The following MSRA variants were observed in gnomAD, a reference collection of about 807,000 sequenced individuals.
MSRA encodes mitochondrial peptide methionine sulfoxide reductase.
In MSRA, 54 loss-of-function variants were observed where a neutral mutation model predicts 31.3. That is an observed-to-expected ratio of 1.73 (90% confidence interval 1.39 to 2.17). MSRA has a LOEUF of 2.17. MSRA is among the 30% of genes most tolerant of loss of function. MSRA has a pLI of 0.00. For missense variants in MSRA, 507 were observed against 300.9 expected, an observed-to-expected ratio of 1.69 and a Z score of -5.07; for synonymous variants, 169 against 116.5, an observed-to-expected ratio of 1.45 and a Z score of -2.90.
At chr8:10,324,446 A>C (rs943687174) in intron 5 of MSRA, among the ~76,000 whole-genome samples, 1 of 152,146 alleles carries the variant, frequency 6.6e-6, no homozygotes, top group Non-Finnish European at 1.5e-5. Flanking sequence ...TGGGACGGCC[A>C]CGGAACATGG....
chr8:10,061,690 A>G (rs1413617519), intron 1 of MSRA, among the ~76,000 whole-genome samples: 5 of 152,124 alleles, frequency 3.3e-5, no homozygotes, highest in African/African-American at 9.7e-5. Flanking sequence ...CAGAAATGTC[A>G]TCTTTTCGTG....
intron 2 of MSRA, among the ~76,000 whole-genome samples, chr8:10,232,623 T>A (rs1423188303): frequency 6.6e-6 from 1 of 152,200 alleles, no homozygotes; most frequent in African/African-American, 2.4e-5. Flanking sequence ...TTTATGAAAA[T>A]TTGAACTTTC....
At chr8:10,221,081 A>G (rs1752878342) in intron 2 of MSRA, among the ~76,000 whole-genome samples, 1 of 152,190 alleles carries the variant, frequency 6.6e-6, no homozygotes, top group African/African-American at 2.4e-5. Flanking sequence ...ATGATGGGGA[A>G]AGCCCAATAG....
intron 1 of MSRA, among the ~76,000 whole-genome samples, chr8:10,155,148 G>C (rs955330529): frequency 3.3e-5 from 5 of 152,158 alleles, no homozygotes; most frequent in Middle Eastern, 3.4e-3. Flanking sequence ...ATAGTCTAAT[G>C]ACGACAATAA....
rs35940076 is a variant in MSRA at position 10,328,027 on chromosome 8, A to ATTTTTTTTTTTTTT, written c.543+8050_543+8063dup. Among the ~76,000 whole-genome samples, 68 of 65,326 alleles carry ATTTTTTTTTTTTTT rather than the reference A, an allele frequency of 1.0e-3. 6 individuals carry two copies. Among genetic ancestry groups the ATTTTTTTTTTTTTT allele is most frequent in the African/African-American group, 4.8e-3 (68 of 14,100 alleles). 42.9% of individuals were successfully genotyped at this position (65,326 alleles called of 152,430 possible). A position where few individuals can be genotyped will look rare whatever the true frequency, so the allele number is the denominator to read the frequency against. The stretch of plus-strand genomic sequence containing the variant: ...TAGTTTGAATACCATCTCTATGGTA[A>ATTTTTTTTTTTTTT]TTTTTTTTTTTTTTTTTTTTTTTTT... On this transcript the variant is annotated intron_variant, in intron 5 of 5. Coordinates refer to ENST00000317173, the MANE Select transcript of MSRA (RefSeq NM_012331.5).
chr8:10,280,375 G>A (rs1585350833), intron 3 of MSRA, among the ~76,000 whole-genome samples: 1 of 79,704 alleles, frequency 1.3e-5, no homozygotes, highest in Non-Finnish European at 2.8e-5. Flanking sequence ...ATTAATTCAA[G>A]TTATAGATTT....
chr8:10,426,144 C>G (rs1324030706), intron 5 of MSRA, among the ~76,000 whole-genome samples: 1 of 152,200 alleles, frequency 6.6e-6, no homozygotes, highest in African/African-American at 2.4e-5. Context: ...CCAAGGAGGT[C>G]ATTGCTAACT....
intron 5 of MSRA, among the ~76,000 whole-genome samples, chr8:10,417,191 A>G (rs530284459): frequency 6.6e-6 from 1 of 152,266 alleles, no homozygotes; most frequent in East Asian, 1.9e-4. Context: ...ATGAGTTCAC[A>G]AAGCTGGGAG....
chr8:10,365,142 CAAAAAA>C (rs1171189760), intron 5 of MSRA, among the ~76,000 whole-genome samples: 6 of 61,282 alleles, frequency 9.8e-5, no homozygotes, highest in African/African-American at 2.2e-4. Flanking sequence ...GTGAAGCAAC[CAAAAAA>C]AAAAAAAAAA....
intron 1 of MSRA, among the ~76,000 whole-genome samples, chr8:10,175,073 G>T (rs1805929449): frequency 1.3e-5 from 2 of 151,928 alleles, no homozygotes; most frequent in East Asian, 3.9e-4. Context: ...CACATTTCTG[G>T]TTCTACTCTA....
chr8:10,391,092 A>T (rs535702466), intron 5 of MSRA, among the ~76,000 whole-genome samples: 3 of 152,350 alleles, frequency 2.0e-5, no homozygotes, highest in African/African-American at 7.2e-5. Flanking sequence ...AAGAGAGAGA[A>T]ATATTTCCCA....
intron 3 of MSRA, among the ~76,000 whole-genome samples, chr8:10,271,424 G>A (rs1381380488): frequency 1.8e-5 from 1 of 56,862 alleles, no homozygotes; most frequent in East Asian, 7.3e-4. Flanking sequence ...AATACGATGT[G>A]AGGACTAAGG....
At chr8:10,217,305 G>T (rs888268805) in intron 2 of MSRA, among the ~76,000 whole-genome samples, 19 of 152,200 alleles carry the variant, frequency 1.2e-4, no homozygotes, top group African/African-American at 4.1e-4. Context: ...TCTCGTGGCT[G>T]TTTGCCACAC....
intron 1 of MSRA, among the ~76,000 whole-genome samples, chr8:10,057,266 G>A (rs1250575377): frequency 6.6e-6 from 1 of 152,088 alleles, no homozygotes; most frequent in Admixed American, 6.5e-5. Flanking sequence ...TAGGGCACAC[G>A]GCAATGTGTC....
chr8:10,283,747 G>A (rs1422323141), intron 3 of MSRA, among the ~76,000 whole-genome samples: 1 of 141,932 alleles, frequency 7.0e-6, no homozygotes, highest in East Asian at 2.1e-4. Flanking sequence ...GTCTCATCCA[G>A]GTTGCTGTGA....
chr8:10,207,231 G>C (rs1809072982), intron 1 of MSRA, among the ~76,000 whole-genome samples: 1 of 152,184 alleles, frequency 6.6e-6, no homozygotes, highest in Non-Finnish European at 1.5e-5. Flanking sequence ...GACTGGTTAG[G>C]AGGACCTGGG....
At chr8:10,082,900 T>G (rs1274008576) in intron 1 of MSRA, among the ~76,000 whole-genome samples, 1 of 152,256 alleles carries the variant, frequency 6.6e-6, no homozygotes, top group Non-Finnish European at 1.5e-5. Flanking sequence ...AACGACTAGA[T>G]GTGCTCAGCA....
chr8:10,290,970 T>C (rs1800201360), intron 3 of MSRA, among the ~76,000 whole-genome samples: 1 of 152,162 alleles, frequency 6.6e-6, no homozygotes, highest in African/African-American at 2.4e-5. Flanking sequence ...GTACCCTTCT[T>C]ATTCTGGAAA....
At chr8:10,296,163 C>G (rs1459717873) in intron 3 of MSRA, among the ~76,000 whole-genome samples, 2 of 152,060 alleles carry the variant, frequency 1.3e-5, no homozygotes, top group African/African-American at 4.8e-5. Context: ...AGTGCCCAGA[C>G]CAGTAGTACA....
Sources: gnomAD v4.1 joint callset for allele counts (sites outside exome capture counted in the v4.1 genomes callset) on GRCh38, gnomAD v4.1.1 for gene constraint, MANE v1.5 for transcripts, NCBI Gene and HGNC (gene_info 2026-07-23, HGNC 2026-07-21) for gene names.